Variants in PACRG observed in about 807,000 individuals in gnomAD.
PACRG encodes the protein parkin coregulated, also known as parkin coregulated gene protein.
A neutral mutation model predicts 29.7 loss-of-function variants in PACRG; 29 were observed. The ratio of observed to expected loss-of-function variants is 0.98; its 90% CI spans 0.73 to 1.33. PACRG has a LOEUF of 1.33. Ranked by LOEUF, PACRG falls within the 40% of genes most tolerant of loss-of-function variation. The pLI, the probability that PACRG is intolerant of heterozygous loss-of-function variation, is 0.00. For synonymous variants in PACRG, 116 were observed against 118.7 expected, an observed-to-expected ratio of 0.98 and a Z score of 0.15; for missense variants, 279 against 316.2, an observed-to-expected ratio of 0.88 and a Z score of 0.89.
intron 1 of PACRG, among the ~76,000 whole-genome samples, chr6:162,793,633 G>A (rs1196219341): frequency 6.6e-6 from 1 of 152,214 alleles, no homozygotes; most frequent in Non-Finnish European, 1.5e-5. Context: ...TTAGTATAAA[G>A]CTGTTTGACA....
At chr6:163,038,764 T>C (rs1292371318) in intron 2 of PACRG, among the ~76,000 whole-genome samples, 3 of 152,164 alleles carry the variant, frequency 2.0e-5, no homozygotes, top group Non-Finnish European at 2.9e-5. Context: ...CAACAGGCAC[T>C]GCTGTTACAG....
chr6:163,226,258 A>G (rs1240217636), intron 4 of PACRG, among the ~76,000 whole-genome samples: 1 of 152,240 alleles, frequency 6.6e-6, no homozygotes, highest in Non-Finnish European at 1.5e-5. Flanking sequence ...TTGATGAGAC[A>G]GGATGAATGA....
At position 162,777,429 on chromosome 6, in the gene PACRG, G is replaced by A. The variant is rs1278871542; in HGVS notation, c.157-36718G>A. Among the ~76,000 whole-genome samples the A allele has an allele frequency of 6.6e-6, 1 of 152,198 alleles. No homozygotes were observed. The highest frequency in any genetic ancestry group is 1.5e-5 in the Non-Finnish European group (1 of 68,044). ...TCCAACATTTTCATTCCGGATTTCAGAATTCCCATCACACCATCCCAAATT... is the reference window on the plus strand; with the variant it reads ...TCCAACATTTTCATTCCGGATTTCAAAATTCCCATCACACCATCCCAAATT... On this transcript the variant is annotated intron_variant, in intron 1 of 4. Transcript: ENST00000366888. The surrounding 1 kb of genome is among the most constrained non-coding windows in gnomAD (Gnocchi z 4.0).
rs1054077019 is a variant in PACRG, at chr6:163,167,351, C to A, written c.613+77943C>A. Among the ~76,000 whole-genome samples, 3 of 152,092 alleles carry A rather than the reference C, an allele frequency of 2.0e-5. No individual in the cohort carries two copies. In the East Asian group the frequency reaches 5.8e-4, roughly 29 times the overall value. ...TTTTCGGAGGGCAGTTTGATCGCCT[C>A]CAGAAAGCATCAGAGGGTCGCAGCT... On this transcript the variant is annotated intron_variant, in intron 4 of 4. Coordinates refer to ENST00000366888, the MANE Select transcript of PACRG (RefSeq NM_001080379.2).
intron 4 of PACRG, chr6:163,112,150 A>G: frequency 1.8e-6 from 1 of 540,612 alleles, no homozygotes; most frequent in Non-Finnish European, 2.4e-6. Context: ...CTAGACAACA[A>G]TTGCATTGAC....
rs377688671 is a variant in PACRG, at chr6:163,249,698, C to T, written c.614-65129C>T. 1.7e-3 allele frequency among the ~76,000 whole-genome samples: 253 copies of T among 152,284 alleles called. 1 individual carries two copies. Among genetic ancestry groups the T allele is most frequent in the African/African-American group, 5.9e-3 (244 of 41,572 alleles). On this transcript the variant is annotated intron_variant, in intron 4 of 4. Transcript: ENST00000366888. ...GAAGACTTAGCAACCAGCGAAGTTT[C>T]TGTGGTTTCCTGGCAGCAGAAGTTG...
At chr6:163,251,524 G>C (rs576406981) in intron 4 of PACRG, among the ~76,000 whole-genome samples, 1 of 152,066 alleles carries the variant, frequency 6.6e-6, no homozygotes, top group Non-Finnish European at 1.5e-5. Flanking sequence ...CTTTCTATGG[G>C]GTCCTGATTT....
chr6:163,184,712 T>C (rs991817038), intron 4 of PACRG: 2 of 152,180 alleles, frequency 1.3e-5, no homozygotes, highest in Admixed American at 1.3e-4. Context: ...CCTGCCGCAC[T>C]GCACGAGAAA....
intron 1 of PACRG, among the ~76,000 whole-genome samples, chr6:162,750,965 G>C (rs1781468711): frequency 6.6e-6 from 1 of 152,148 alleles, no homozygotes; most frequent in Non-Finnish European, 1.5e-5. Flanking sequence ...GAATGCTTAT[G>C]AGTGAGTAAG....
chr6:162,998,020 G>C (rs879616989), intron 2 of PACRG, among the ~76,000 whole-genome samples: 17 of 152,116 alleles, frequency 1.1e-4, no homozygotes, highest in Non-Finnish European at 1.5e-4. Flanking sequence ...TCTGGCTTTA[G>C]TTTTCTCAGG....
intron 2 of PACRG, among the ~76,000 whole-genome samples, chr6:162,845,172 A>G (rs1428621076): frequency 6.6e-6 from 1 of 152,230 alleles, no homozygotes; most frequent in Non-Finnish European, 1.5e-5. Context: ...TTGATGAGAT[A>G]TAATTTTGCA....
intron 2 of PACRG, among the ~76,000 whole-genome samples, chr6:162,910,472 C>G (rs1796228703): frequency 1.3e-5 from 2 of 152,084 alleles, no homozygotes; most frequent in Admixed American, 1.3e-4. Flanking sequence ...ATTGTGCTCA[C>G]TACTGCTAAG....
chr6:162,953,930 A>G (rs1438913474), intron 2 of PACRG, among the ~76,000 whole-genome samples: 1 of 152,222 alleles, frequency 6.6e-6, no homozygotes, highest in Admixed American at 6.5e-5. Flanking sequence ...AAAATCTATT[A>G]ACTATCAAGA....
chr6:163,208,030 C>T (rs1373524698), intron 4 of PACRG, among the ~76,000 whole-genome samples: 2 of 152,164 alleles, frequency 1.3e-5, no homozygotes, highest in East Asian at 1.9e-4. Flanking sequence ...GGGCCACAGA[C>T]GGTCGGGCAA....
intron 2 of PACRG, among the ~76,000 whole-genome samples, chr6:162,934,960 T>G (rs1303866396): frequency 6.6e-6 from 1 of 152,194 alleles, no homozygotes; most frequent in Non-Finnish European, 1.5e-5. Flanking sequence ...GGTATAACAT[T>G]CTTGGCTGAT....
chr6:163,159,757 T>A (rs1037888980), intron 4 of PACRG, among the ~76,000 whole-genome samples: 4 of 152,242 alleles, frequency 2.6e-5, no homozygotes, highest in African/African-American at 9.6e-5. Flanking sequence ...AATAGTATTC[T>A]AAAGGAATAC....
intron 2 of PACRG, among the ~76,000 whole-genome samples, chr6:162,838,262 A>G (rs1223286059): frequency 6.6e-6 from 1 of 152,218 alleles, no homozygotes; most frequent in Non-Finnish European, 1.5e-5. Flanking sequence ...CCAGTGGGTC[A>G]TGGACAGGCC....
At chr6:163,116,799 A>G (rs1816018074) in intron 4 of PACRG, among the ~76,000 whole-genome samples, 1 of 152,188 alleles carries the variant, frequency 6.6e-6, no homozygotes, top group African/African-American at 2.4e-5. Context: ...TGCAGAGAAG[A>G]AGATGATTCA....
chr6:162,828,206 C>T (rs1490673945), intron 2 of PACRG, among the ~76,000 whole-genome samples: 1 of 152,040 alleles, frequency 6.6e-6, no homozygotes, highest in Non-Finnish European at 1.5e-5. Flanking sequence ...TTTACAGGTC[C>T]CATAGATCTT....
Sources: gnomAD v4.1 joint callset for allele counts (sites outside exome capture counted in the v4.1 genomes callset) on GRCh38, gnomAD v4.1.1 for gene constraint, Gnocchi (gnomAD v3.1) non-coding constraint, MANE v1.5 for transcripts, NCBI Gene and HGNC (gene_info 2026-07-23, HGNC 2026-07-21) for gene names.